DOCK8: variants seen among roughly 807,000 people sequenced by gnomAD.
DOCK8 encodes the protein dedicator of cytokinesis protein 8.
DOCK8 carries 141 observed loss-of-function variants against 245.6 expected under a neutral mutation model. The observed-to-expected ratio is 0.57, with a 90% CI of 0.50 to 0.66. The LOEUF (loss-of-function observed/expected upper bound fraction) is 0.66. Among genes scored for constraint, DOCK8 ranks in the 30% least tolerant of loss-of-function variants. DOCK8 has a pLI of 0.00. For synonymous variants in DOCK8, 1,168 were observed against 970.2 expected (o/e 1.20, Z -3.79); for missense variants, 2,965 against 2,603.4 (o/e 1.14, Z -3.02).
intron 28 of DOCK8, among the ~76,000 whole-genome samples, chr9:409,044 T>C (rs1174248442): frequency 2.0e-5 from 3 of 152,220 alleles, no homozygotes; most frequent in African/African-American, 4.8e-5. Context: ...AACTTCATCA[T>C]GTAAGCTAAA....
rs2047543137 is a variant in DOCK8, at chr9:247,864, C to G, written c.54-23763C>G. Among the ~76,000 whole-genome samples the G allele has an allele frequency of 2.0e-5, 3 of 151,956 alleles. No individual in the cohort carries two copies. The South Asian group carries it at 6.2e-4, about 31-fold the overall frequency. On this transcript the variant is annotated intron_variant, in intron 1 of 47. Coordinates refer to ENST00000432829, the MANE Select transcript of DOCK8 (RefSeq NM_203447.4). The stretch of plus-strand genomic sequence containing the variant: ...GTGTTAGTCTCTAAGGAAATGAATA[C>G]TTCCAGACTAAATTCTGTTTATAGT...
chr9:340,536 G>C, intron 14 of DOCK8: 1 of 540,372 alleles, frequency 1.9e-6, no homozygotes, highest in Non-Finnish European at 3.3e-6. Context: ...CAGGAGAATC[G>C]CTTGAACCCA....
intron 2 of DOCK8, among the ~76,000 whole-genome samples, chr9:275,268 A>G (rs72701236): frequency 0.018 from 2,794 of 152,304 alleles, 62 homozygotes; most frequent in African/African-American, 0.061. Flanking sequence ...TGATGAATAA[A>G]AGGTGACTTC....
chr9:263,524 C>T (rs1335576695), intron 1 of DOCK8, among the ~76,000 whole-genome samples: 2 of 152,048 alleles, frequency 1.3e-5, no homozygotes, highest in Non-Finnish European at 2.9e-5. Context: ...TTTAGATTTA[C>T]TTATGTTTAC....
Position 426,879 on chromosome 9 carries a change from T to A in DOCK8, c.4242-6T>A. 1 of 1,613,916 alleles carries A rather than the reference T, an allele frequency of 6.2e-7. No individual in the cohort carries two copies. Among genetic ancestry groups the A allele is most frequent in the Non-Finnish European group, 8.5e-7 (1 of 1,179,878 alleles). On this transcript the variant is annotated splice_polypyrimidine_tract_variant and splice_region_variant and intron_variant, in intron 33 of 47. Coordinates refer to ENST00000432829, the MANE Select transcript of DOCK8 (RefSeq NM_203447.4). ...CGCTTTAATTTGACCTCTTGTTGTT[T>A]CCTAGAACAAAGGCCGAGTTAGATC...
upstream of DOCK8, among the ~76,000 whole-genome samples, chr9:211,552 A>G (rs1035202678): frequency 5.3e-5 from 8 of 152,186 alleles, no homozygotes; most frequent in Non-Finnish European, 1.2e-4. Context: ...GTATTAATTT[A>G]TAAGGGCTGG....
At chr9:280,867 G>A (rs1364328366) in intron 2 of DOCK8, 2 of 152,262 alleles carry the variant, frequency 1.3e-5, no homozygotes, top group Non-Finnish European at 2.9e-5. Context: ...ATGTAGTTCA[G>A]CCTAGCCACG....
chr9:445,740 T>C (rs2057233517), intron 43 of DOCK8, among the ~76,000 whole-genome samples: 1 of 60,560 alleles, frequency 1.7e-5, no homozygotes, highest in Non-Finnish European at 4.3e-5. Flanking sequence ...TTGTTTCTAG[T>C]CTTTGTTATG....
intron 1 of DOCK8, 79 bp downstream of exon 1, chr9:215,108 C>A (rs756122514): frequency 7.3e-6 from 11 of 1,502,706 alleles, no homozygotes; most frequent in Admixed American, 6.5e-5. Context: ...CTGCAGGGGC[C>A]GAGGCCGGAC....
chr9:356,835 T>C (rs2052471085), intron 14 of DOCK8, among the ~76,000 whole-genome samples: 1 of 105,740 alleles, frequency 9.5e-6, no homozygotes, highest in African/African-American at 2.7e-5. Flanking sequence ...AACATGGGCA[T>C]CTTACTTGAA....
chr9:272,997 C>T (rs1253883541), intron 2 of DOCK8: 1 of 981,210 alleles, frequency 1.0e-6, no homozygotes, highest in African/African-American at 1.8e-5. Flanking sequence ...ACTTCGAAAC[C>T]ACTTCTGCCT....
intron 5 of DOCK8, among the ~76,000 whole-genome samples, chr9:306,364 G>C (rs540005683): frequency 3.9e-5 from 6 of 152,242 alleles, no homozygotes; most frequent in African/African-American, 1.4e-4. Flanking sequence ...TGCTCTATGG[G>C]AGATTTAAGG....
chr9:215,287 C>G, intron 1 of DOCK8: 1 of 1,608,772 alleles, frequency 6.2e-7, no homozygotes, highest in African/African-American at 1.3e-5. Context: ...GGGATCCCTT[C>G]CCCGAACAAC....
intron 1 of DOCK8, among the ~76,000 whole-genome samples, chr9:249,360 T>C (rs903445184): frequency 2.6e-5 from 4 of 152,178 alleles, no homozygotes; most frequent in East Asian, 1.9e-4. Flanking sequence ...TCCACAAAGA[T>C]AAATGAAAAG....
At chr9:277,012 T>C in intron 2 of DOCK8, 2 of 324,400 alleles carry the variant, frequency 6.2e-6, no homozygotes, top group Non-Finnish European at 1.3e-5. Flanking sequence ...TTTCTCCATG[T>C]TGTCCAGGCT....
At chr9:297,763 G>C (rs2049327204) in intron 4 of DOCK8, among the ~76,000 whole-genome samples, 1 of 152,200 alleles carries the variant, frequency 6.6e-6, no homozygotes, top group African/African-American at 2.4e-5. Context: ...CTGTCAAGGA[G>C]CTTTGAGACT....
chr9:457,431 A>G (rs1390503779), intron 46 of DOCK8, among the ~76,000 whole-genome samples: 1 of 152,222 alleles, frequency 6.6e-6, no homozygotes, highest in African/African-American at 2.4e-5. Context: ...GGGATCAGTA[A>G]GTGTAACATT....
At chr9:303,876 G>C (rs1477092919) in intron 4 of DOCK8, among the ~76,000 whole-genome samples, 1 of 152,202 alleles carries the variant, frequency 6.6e-6, no homozygotes, top group Admixed American at 6.5e-5. Flanking sequence ...ACTTGACTTT[G>C]TAACATGTTT....
At chr9:221,763 A>G (rs1178035342) in intron 1 of DOCK8, among the ~76,000 whole-genome samples, 2 of 151,724 alleles carry the variant, frequency 1.3e-5, no homozygotes, top group East Asian at 1.9e-4. Flanking sequence ...CGGAAGTTGC[A>G]GTGAGCCGAG....
Sources: allele counts gnomAD v4.1 joint callset (sites outside exome capture counted in the v4.1 genomes callset), GRCh38; gene constraint gnomAD v4.1.1; transcripts MANE v1.5; gene names NCBI Gene and HGNC (gene_info 2026-07-23, HGNC 2026-07-21).